The following ARHGAP22 variants were observed in gnomAD, a reference collection of about 807,000 sequenced individuals.
ARHGAP22 encodes rho GTPase-activating protein 22.
A neutral mutation model predicts 59.1 loss-of-function variants in ARHGAP22; 48 were observed. The ratio of observed to expected loss-of-function variants is 0.81; its 90% CI spans 0.64 to 1.03. ARHGAP22 has a LOEUF of 1.03. Ranked by LOEUF, ARHGAP22 falls within the 50% of genes least tolerant of loss-of-function variation. The pLI is 0.00. For missense variants in ARHGAP22, 1,015 were observed against 958.7 expected (o/e 1.06, Z -0.78); for synonymous variants, 445 against 416.4 (o/e 1.07, Z -0.84).
At chr10:48,535,902 T>C (rs932434903) in intron 3 of ARHGAP22, among the ~76,000 whole-genome samples, 2 of 152,186 alleles carry the variant, frequency 1.3e-5, no homozygotes, top group Non-Finnish European at 2.9e-5. Flanking sequence ...TCAGTGGAGC[T>C]GTGGCCAGGT....
chr10:48,592,121 T>C (rs865994149), intron 1 of ARHGAP22, among the ~76,000 whole-genome samples: 14 of 152,136 alleles, frequency 9.2e-5, no homozygotes, highest in African/African-American at 3.4e-4. Flanking sequence ...GCTAACATGG[T>C]TAGCTTCTCT....
chr10:48,569,813 G>C (rs1054810850), intron 2 of ARHGAP22, among the ~76,000 whole-genome samples: 1 of 152,170 alleles, frequency 6.6e-6, no homozygotes, highest in African/African-American at 2.4e-5. Context: ...CAATTCGGGG[G>C]CAACCAAGAC....
chr10:48,636,454 G>T (rs2061821332), intron 1 of ARHGAP22, among the ~76,000 whole-genome samples: 1 of 152,164 alleles, frequency 6.6e-6, no homozygotes, highest in Non-Finnish European at 1.5e-5. Context: ...CCACTGGGCT[G>T]CTCCTGCCCA....
intron 2 of ARHGAP22, among the ~76,000 whole-genome samples, chr10:48,581,395 C>G (rs1323660073): frequency 6.6e-6 from 1 of 152,224 alleles, no homozygotes; most frequent in East Asian, 1.9e-4. Flanking sequence ...CCTCCATATT[C>G]CGTTTCAGAA....
rs79568745 is a variant in ARHGAP22, at chr10:48,450,906, G to A, written c.1223C>T (p.Ala408Val). The A allele has an allele frequency of 4.1e-4, 660 of 1,595,132 alleles. 2 individuals carry two copies. The highest frequency in any genetic ancestry group is 9.1e-4 in the South Asian group (80 of 87,930). Reference protein sequence around the residue: ...GAAVAVLSRTAPTGPGSRCSP... With the variant: ...GAAVAVLSRTVPTGPGSRCSP... ...GCACCGGCTCCCCGGCCCCGTGGGGGCTGTTCTGGAGAGCACCGCCACGGC... is the reference window on the plus strand; with the variant it reads ...GCACCGGCTCCCCGGCCCCGTGGGGACTGTTCTGGAGAGCACCGCCACGGC... Residue 408 changes from alanine (A) to valine (V), a missense_variant, in exon 9 of 10, where the codon GCC (alanine) becomes GTC (valine). Coordinates refer to ENST00000249601, the MANE Select transcript of ARHGAP22 (RefSeq NM_021226.4).
At chr10:48,499,632 T>G (rs563344763) in intron 3 of ARHGAP22, among the ~76,000 whole-genome samples, 11 of 152,298 alleles carry the variant, frequency 7.2e-5, no homozygotes, top group African/African-American at 2.6e-4. Context: ...AATGGAAAAC[T>G]ATGAAAGCTG....
intron 2 of ARHGAP22, among the ~76,000 whole-genome samples, chr10:48,567,307 A>G (rs768564437): frequency 2.6e-5 from 4 of 152,208 alleles, no homozygotes; most frequent in Non-Finnish European, 5.9e-5. Flanking sequence ...CTTGTCATTC[A>G]TGTGAACATT....
At chr10:48,498,214 A>G (rs1379511226) in intron 3 of ARHGAP22, among the ~76,000 whole-genome samples, 2 of 152,106 alleles carry the variant, frequency 1.3e-5, no homozygotes, top group African/African-American at 4.8e-5. Context: ...CACGGCCCAG[A>G]TGAGTCTCCC....
intron 2 of ARHGAP22, among the ~76,000 whole-genome samples, chr10:48,576,521 A>T (rs2058721405): frequency 1.3e-5 from 2 of 151,930 alleles, no homozygotes; most frequent in East Asian, 3.9e-4. Context: ...TTACCAACTC[A>T]CTCCCCTGCC....
intron 2 of ARHGAP22, among the ~76,000 whole-genome samples, chr10:48,573,866 A>T (rs1190237448): frequency 2.6e-5 from 4 of 152,240 alleles, no homozygotes; most frequent in South Asian, 2.1e-4. Context: ...TCTGGTTCCA[A>T]ATATTATGGT....
intron 3 of ARHGAP22, among the ~76,000 whole-genome samples, chr10:48,486,813 T>C (rs1203140794): frequency 4.6e-5 from 7 of 152,174 alleles, no homozygotes; most frequent in Non-Finnish European, 8.8e-5. Flanking sequence ...AGCTATTGAG[T>C]GTGGGAATCA....
At chr10:48,587,746 G>C (rs888878874) in intron 1 of ARHGAP22, among the ~76,000 whole-genome samples, 4 of 151,096 alleles carry the variant, frequency 2.6e-5, no homozygotes, top group Non-Finnish European at 5.9e-5. Context: ...TCTGTCTCTT[G>C]TCTTCTATTA....
chr10:48,594,049 C>T (rs1164644759), intron 1 of ARHGAP22, among the ~76,000 whole-genome samples: 2 of 152,156 alleles, frequency 1.3e-5, no homozygotes, highest in African/African-American at 4.8e-5. Context: ...GATCCCCTTA[C>T]AGGAGTTCTA....
At chr10:48,577,671 C>T (rs922890800) in intron 2 of ARHGAP22, among the ~76,000 whole-genome samples, 1 of 148,510 alleles carries the variant, frequency 6.7e-6, no homozygotes, top group African/African-American at 2.5e-5. Flanking sequence ...GCCAGAGTCC[C>T]CATTATAAAG....
upstream of ARHGAP22, among the ~76,000 whole-genome samples, chr10:48,654,991 C>CCT (rs1217394146): frequency 7.4e-6 from 1 of 134,640 alleles, no homozygotes; most frequent in Non-Finnish European, 1.6e-5. Flanking sequence ...TTCCTCCCTT[C>CCT]CTCTCTCTCT....
At chr10:48,622,239 T>G (rs1459321035) in intron 1 of ARHGAP22, among the ~76,000 whole-genome samples, 1 of 152,212 alleles carries the variant, frequency 6.6e-6, no homozygotes, top group East Asian at 1.9e-4. Context: ...TGCCTTCTGT[T>G]GTGATAAAAA....
intron 3 of ARHGAP22, among the ~76,000 whole-genome samples, chr10:48,534,789 AG>A (rs2055194589): frequency 6.6e-6 from 1 of 152,228 alleles, no homozygotes; most frequent in Admixed American, 6.5e-5. Flanking sequence ...GTCTGCCTCC[AG>A]GGTGATCCTT....
At chr10:48,563,380 A>T (rs1053800634) in intron 2 of ARHGAP22, among the ~76,000 whole-genome samples, 5 of 151,998 alleles carry the variant, frequency 3.3e-5, no homozygotes, top group Non-Finnish European at 5.9e-5. Flanking sequence ...TTTTTAGTGG[A>T]GATGGGGTTT....
chr10:48,592,229 T>TCA, intron 1 of ARHGAP22, among the ~76,000 whole-genome samples: 1 of 152,204 alleles, frequency 6.6e-6, no homozygotes, highest in Non-Finnish European at 1.5e-5. Context: ...CTACATTGCC[T>TCA]AGGCTAGACT....
Sources: gnomAD v4.1 joint callset for allele counts (sites outside exome capture counted in the v4.1 genomes callset) on GRCh38, gnomAD v4.1.1 for gene constraint, MANE v1.5 for transcripts, NCBI Gene and HGNC (gene_info 2026-07-23, HGNC 2026-07-21) for gene names.